Variants in DYNC2H1 observed in about 807,000 individuals in gnomAD.
The protein encoded by DYNC2H1 is cytoplasmic dynein 2 heavy chain 1.
A neutral mutation model predicts 570.0 loss-of-function variants in DYNC2H1; 410 were observed. The observed-to-expected ratio is 0.72, with a 90% CI of 0.66 to 0.78. The LOEUF (loss-of-function observed/expected upper bound fraction) is 0.78. DYNC2H1 is among the 30% of genes least tolerant of loss of function. The pLI, the probability that DYNC2H1 is intolerant of heterozygous loss-of-function variation, is 0.00. For synonymous variants in DYNC2H1, 1,688 were observed against 1,677.6 expected (o/e 1.01, Z -0.15); for missense variants, 4,865 against 5,046.4 (o/e 0.96, Z 1.09).
intron 46 of DYNC2H1, 119 bp from the exon 47 acceptor site, chr11:103,191,978 C>T: frequency 4.0e-6 from 3 of 757,234 alleles, no homozygotes; most frequent in Admixed American, 3.7e-5. Flanking sequence ...TCCTTTCTTC[C>T]ATTTATCTGA....
chr11:103,343,160 T>C (rs61896780), intron 82 of DYNC2H1, among the ~76,000 whole-genome samples: 32,910 of 152,032 alleles, frequency 0.22, 3,697 homozygotes, highest in Admixed American at 0.31. Flanking sequence ...AGCCGAGGGT[T>C]GACAGGGAGG....
chr11:103,177,570 A>C lies in DYNC2H1; in HGVS notation c.5889A>C (p.Leu1963Phe), dbSNP rs904050146. Residue 1963 changes from leucine to phenylalanine, a missense_variant, in exon 38 of 89, where the codon TTA becomes TTC. Leu to Phe is a conservative substitution (Grantham distance 22). Coordinates refer to ENST00000375735, the MANE Select transcript of DYNC2H1 (RefSeq NM_001377.3). The surrounding 1 kb of genome is among the most constrained non-coding windows in gnomAD (Gnocchi z 4.4). ...TTTCCTACTAGATCAAAAAGGCTTT[A>C]GAATTGTATGAACAGTTATGCCAGA... ...EIIPNQIKKA[L>F]ELYEQLCQRM... is the part of the protein sequence containing the mutation. The C allele has an allele frequency of 1.6e-5, 25 of 1,607,580 alleles. No homozygotes were observed. Among genetic ancestry groups the C allele is most frequent in the Non-Finnish European group, 2.1e-5 (25 of 1,178,254 alleles).
chr11:103,345,852 G>A (rs1411231464), intron 82 of DYNC2H1, among the ~76,000 whole-genome samples: 3 of 152,158 alleles, frequency 2.0e-5, no homozygotes, highest in African/African-American at 7.2e-5. Flanking sequence ...AGCTAATGCT[G>A]TTGCTCAAAA....
chr11:103,335,847 CAG>C (rs1410433168), intron 82 of DYNC2H1, among the ~76,000 whole-genome samples: 2 of 152,122 alleles, frequency 1.3e-5, no homozygotes, highest in Non-Finnish European at 2.9e-5. Context: ...ACTTAACTCT[CAG>C]AATAAGAGAG....
chr11:103,355,819 C>A (rs1037674608), intron 82 of DYNC2H1, among the ~76,000 whole-genome samples: 1 of 152,096 alleles, frequency 6.6e-6, no homozygotes, highest in Non-Finnish European at 1.5e-5. Context: ...TCAAGCAGTC[C>A]TTCCAACTCA....
Position 103,286,364 on chromosome 11 carries a change from A to G in DYNC2H1, c.11000A>G (p.Lys3667Arg). The G allele has an allele frequency of 6.2e-7, 1 of 1,612,500 alleles. No individual in the cohort carries two copies. The highest frequency in any genetic ancestry group is 8.5e-7 in the Non-Finnish European group (1 of 1,179,538). ...CAAGAGTTTCCATCTATCCTTGCAA[A>G]GAAAGTTTCCTTATTTCAGCAGGTA... The part of the protein sequence containing the change: ...CEQEFPSILA[K>R]KVSLFQQILV... The change falls in exon 74 of 89, where the codon AAG (lysine) becomes AGG (arginine). Residue 3667 changes from lysine (K) to arginine (R), a missense_variant. Transcript: ENST00000375735.
chr11:103,199,954 C>T lies in DYNC2H1; in HGVS notation c.8089-92C>T. 1.3e-6 allele frequency: 1 copy of T among 768,042 alleles called. No homozygotes were observed. The highest frequency in any genetic ancestry group is 1.8e-5 in the South Asian group (1 of 55,358). The allele number at this position is 768,042 out of a possible 1,614,324, so 47.6% of individuals were successfully genotyped here. ...TAAATGAATAAATAAACACATGATA[C>T]TGGCATACTTTACATACAAATACAA... is the stretch of plus-strand genomic sequence containing the variant. On this transcript the variant is annotated intron_variant, in intron 49 of 88. Coordinates refer to ENST00000375735, the MANE Select transcript of DYNC2H1 (RefSeq NM_001377.3). The surrounding 1 kb of genome is among the most constrained non-coding windows in gnomAD (Gnocchi z 4.6).
chr11:103,310,811 C>T (rs1365820718), intron 78 of DYNC2H1, among the ~76,000 whole-genome samples: 1 of 150,576 alleles, frequency 6.6e-6, no homozygotes, highest in Non-Finnish European at 1.5e-5. Flanking sequence ...CTGCCTCATC[C>T]TGCTGAGCAG....
At chr11:103,292,966 C>A (rs901761012) in intron 75 of DYNC2H1, among the ~76,000 whole-genome samples, 1 of 152,214 alleles carries the variant, frequency 6.6e-6, no homozygotes, top group African/African-American at 2.4e-5. Context: ...AAGTGACTTA[C>A]ACACCGCAAT....
chr11:103,192,265 G>T lies in DYNC2H1; in HGVS notation c.7708+1G>T. 2 of 1,540,576 alleles carry T rather than the reference G, an allele frequency of 1.3e-6. No individual in the cohort carries two copies. The highest frequency in any genetic ancestry group is 1.3e-5 in the South Asian group (1 of 75,516). Reference sequence around the variant, plus strand: ...TCAGACATATTAGACAATATGTCAGGTAAGGTAATAGAGCTTATGCAAATA... The same window carrying T: ...TCAGACATATTAGACAATATGTCAGTTAAGGTAATAGAGCTTATGCAAATA... On this transcript the variant is annotated splice_donor_variant, in intron 47 of 88. Transcript: ENST00000375735. LOFTEE classifies it high-confidence loss of function.
At position 103,473,056 on chromosome 11, in the gene DYNC2H1, A is replaced by G. The variant is rs146094178; in HGVS notation, c.12765+4351A>G. 5.0e-3 allele frequency among the ~76,000 whole-genome samples: 758 copies of G among 152,304 alleles called. 6 individuals carry two copies. The highest frequency in any genetic ancestry group is 0.017 in the African/African-American group (707 of 41,560). On this transcript the variant is annotated intron_variant, in intron 88 of 88. Coordinates refer to ENST00000375735, the MANE Select transcript of DYNC2H1 (RefSeq NM_001377.3). ...GTGGTGATACTTAAAAAAGGGTATC[A>G]TCAACAAATTCTAAGACTTCTATTG... is the stretch of plus-strand genomic sequence containing the variant.
chr11:103,381,026 A>T (rs1941622666), intron 83 of DYNC2H1, among the ~76,000 whole-genome samples: 1 of 152,238 alleles, frequency 6.6e-6, no homozygotes, highest in Admixed American at 6.5e-5. Flanking sequence ...GGAGGATTTA[A>T]CAGAACTTAC....
chr11:103,309,605 T>C (rs1591555949), intron 78 of DYNC2H1, among the ~76,000 whole-genome samples: 4 of 152,046 alleles, frequency 2.6e-5, no homozygotes, highest in Admixed American at 2.6e-4. Flanking sequence ...GATGATTTAA[T>C]ATTAGAAATA....
chr11:103,241,616 G>A lies in DYNC2H1; in HGVS notation c.9820-2077G>A, dbSNP rs150728799. On this transcript the variant is annotated intron_variant, in intron 63 of 88. Coordinates refer to ENST00000375735, the MANE Select transcript of DYNC2H1 (RefSeq NM_001377.3). This position sits in a 1 kb window ranked among gnomAD's most constrained non-coding sequence, Gnocchi z 5.1. ...GGCAAAATGCAGAATTGTGAAATGT[G>A]TGCTATTGAATGCTAGCATAAAATT... The A allele has an allele frequency of 4.6e-4, 615 of 1,325,322 alleles. 10 individuals are homozygous for A. In the East Asian group the frequency reaches 0.015, roughly 32 times the overall value. The allele number at this position is 1,325,322 out of a possible 1,614,324, so 82.1% of individuals were successfully genotyped here. A position where few individuals can be genotyped will look rare whatever the true frequency, so the allele number is the denominator to read the frequency against.
At chr11:103,219,779 T>C in intron 55 of DYNC2H1, 136 bp from the exon 56 acceptor site, 1 of 543,582 alleles carries the variant, frequency 1.8e-6, no homozygotes, top group Non-Finnish European at 3.2e-6. Context: ...TTGGAAACTC[T>C]CTTGTCATAG....
rs368269211 is a variant in DYNC2H1, at chr11:103,243,688, A to T, written c.9820-5A>T. On this transcript the variant is annotated splice_region_variant and splice_polypyrimidine_tract_variant and intron_variant, in intron 63 of 88. Transcript: ENST00000375735. The surrounding 1 kb of genome is among the most constrained non-coding windows in gnomAD (Gnocchi z 4.8). The stretch of plus-strand genomic sequence containing the variant: ...AAACATTACTTTTCCTTTTTTTTAT[A>T]CTAGAGTCGAGTGTGCCCATTTCTT... 1.9e-6 allele frequency: 3 copies of T among 1,583,106 alleles called. No homozygotes were observed. Among genetic ancestry groups the T allele is most frequent in the Admixed American group, 1.8e-5 (1 of 57,078 alleles).
chr11:103,197,350 G>C (rs551504424), intron 47 of DYNC2H1, among the ~76,000 whole-genome samples: 1 of 152,108 alleles, frequency 6.6e-6, no homozygotes, highest in Non-Finnish European at 1.5e-5. Flanking sequence ...GTTCATTTCA[G>C]GAGAAAGAAG....
intron 83 of DYNC2H1, among the ~76,000 whole-genome samples, chr11:103,378,903 A>AGTATTCTTTGTCTCTGATATTG (rs1447446519): frequency 3.3e-5 from 5 of 152,170 alleles, no homozygotes; most frequent in Non-Finnish European, 7.3e-5. Context: ...TTTCCTTCAG[A>AGTATTCTTTGTCTCTGATATTG]GTATTCTTTG....
In DYNC2H1 at chr11:103,418,777, T is replaced by G. The variant is rs184430033; in HGVS notation, c.12367-17166T>G. Among the ~76,000 whole-genome samples the G allele has an allele frequency of 2.7e-3, 411 of 152,232 alleles. 4 individuals carry two copies. Among genetic ancestry groups the G allele is most frequent in the African/African-American group, 8.8e-3 (364 of 41,538 alleles). On this transcript the variant is annotated intron_variant, in intron 84 of 88. Coordinates refer to ENST00000375735, the MANE Select transcript of DYNC2H1 (RefSeq NM_001377.3). Reference sequence around the variant, plus strand: ...CCCAGCCAAGGGAAGCAGTGAGTGATTGTTCGACCCCACCTGGGAAACCAC... The same window carrying G: ...CCCAGCCAAGGGAAGCAGTGAGTGAGTGTTCGACCCCACCTGGGAAACCAC...
Sources: allele counts gnomAD v4.1 joint callset (sites outside exome capture counted in the v4.1 genomes callset), GRCh38; gene constraint gnomAD v4.1.1; non-coding constraint Gnocchi (gnomAD v3.1); transcripts MANE v1.5; gene names NCBI Gene and HGNC (gene_info 2026-07-23, HGNC 2026-07-21).